ROBO2: variants seen among roughly 807,000 people sequenced by gnomAD.
The protein encoded by ROBO2 is roundabout guidance receptor 2.
Under a neutral mutation model 160.8 loss-of-function variants are expected in ROBO2, and 53 were observed. The ratio of observed to expected loss-of-function variants is 0.33; its 90% confidence interval spans 0.26 to 0.41. ROBO2 has a LOEUF of 0.41. Ranked by LOEUF, ROBO2 falls within the 10% of genes least tolerant of loss-of-function variation. ROBO2 has a pLI of 1.00. For missense variants in ROBO2, 1,577 were observed against 1,722.4 expected (o/e 0.92, Z 1.49); for synonymous variants, 664 against 611.7 (o/e 1.09, Z -1.26).
At chr3:77,513,726 GA>G (rs1370262579) in intron 5 of ROBO2, among the ~76,000 whole-genome samples, 1 of 151,406 alleles carries the variant, frequency 6.6e-6, no homozygotes, top group Non-Finnish European at 1.5e-5. Flanking sequence ...TCTTCCTTGA[GA>G]AAAAAACCCT....
intron 2 of ROBO2, among the ~76,000 whole-genome samples, chr3:77,270,104 A>G (rs2059393854): frequency 6.6e-6 from 1 of 152,200 alleles, no homozygotes. Flanking sequence ...CCAGTTCTTC[A>G]GTTAGTTAAT....
At chr3:77,361,589 C>G (rs2069997619) in intron 2 of ROBO2, among the ~76,000 whole-genome samples, 1 of 152,066 alleles carries the variant, frequency 6.6e-6, no homozygotes, top group South Asian at 2.1e-4. Flanking sequence ...GTGAGGGTCT[C>G]TCCTTCAAAG....
At chr3:76,645,653 A>G (rs2090928206) in intron 2 of ROBO2, among the ~76,000 whole-genome samples, 1 of 152,178 alleles carries the variant, frequency 6.6e-6, no homozygotes. Context: ...GACTTCATGG[A>G]AGAAGTAGTT....
chr3:76,917,016 G>T (rs1485591548), intron 2 of ROBO2, among the ~76,000 whole-genome samples: 2 of 152,172 alleles, frequency 1.3e-5, no homozygotes, highest in Non-Finnish European at 2.9e-5. Flanking sequence ...AAAGCAGACA[G>T]ATATAGCTTA....
intron 2 of ROBO2, among the ~76,000 whole-genome samples, chr3:77,018,840 G>A (rs561476417): frequency 2.6e-5 from 4 of 152,282 alleles, no homozygotes; most frequent in East Asian, 1.9e-4. Context: ...CAGAATGGTG[G>A]TTGACAGAGG....
chr3:77,431,386 C>T (rs1218386839), intron 2 of ROBO2, among the ~76,000 whole-genome samples: 1 of 152,124 alleles, frequency 6.6e-6, no homozygotes, highest in African/African-American at 2.4e-5. Context: ...TATGAAGAAG[C>T]AAATACTAAT....
At chr3:76,318,128 T>C (rs2072198052) in intron 2 of ROBO2, among the ~76,000 whole-genome samples, 1 of 152,118 alleles carries the variant, frequency 6.6e-6, no homozygotes, top group African/African-American at 2.4e-5. Flanking sequence ...GGGAAAAAAT[T>C]GGAAAGAGTT....
At chr3:77,332,786 G>T (rs1371234478) in intron 2 of ROBO2, among the ~76,000 whole-genome samples, 1 of 152,104 alleles carries the variant, frequency 6.6e-6, no homozygotes, top group Non-Finnish European at 1.5e-5. Context: ...TAGCTCTAAT[G>T]TATAACACAA....
intron 2 of ROBO2, among the ~76,000 whole-genome samples, chr3:76,819,151 T>A (rs2065916656): frequency 6.6e-6 from 1 of 151,988 alleles, no homozygotes; most frequent in African/African-American, 2.4e-5. Context: ...GATAAACAAG[T>A]GAGAATGAAT....
intron 2 of ROBO2, among the ~76,000 whole-genome samples, chr3:76,751,403 C>T (rs940520625): frequency 6.6e-6 from 1 of 152,094 alleles, no homozygotes; most frequent in South Asian, 2.1e-4. Flanking sequence ...GCAAGGATTT[C>T]ATGTCTAAAA....
intron 23 of ROBO2, among the ~76,000 whole-genome samples, chr3:77,627,856 T>C (rs1447932562): frequency 2.0e-5 from 3 of 152,182 alleles, no homozygotes. Flanking sequence ...AGGGTCATCT[T>C]ATAAAGCACA....
intron 1 of ROBO2, among the ~76,000 whole-genome samples, chr3:75,932,966 A>G (rs1348167016): frequency 6.6e-6 from 1 of 152,222 alleles, no homozygotes; most frequent in Non-Finnish European, 1.5e-5. Context: ...TATATACATT[A>G]CAATATTAAT....
intron 2 of ROBO2, among the ~76,000 whole-genome samples, chr3:77,313,878 C>T (rs1467482007): frequency 1.3e-5 from 2 of 152,184 alleles, no homozygotes; most frequent in Non-Finnish European, 2.9e-5. Context: ...GCCACCGCCC[C>T]TGGCCAGGAT....
At chr3:76,187,218 A>C (rs1701808318) in intron 2 of ROBO2, among the ~76,000 whole-genome samples, 1 of 152,078 alleles carries the variant, frequency 6.6e-6, no homozygotes, top group Non-Finnish European at 1.5e-5. Flanking sequence ...TATTTCACAT[A>C]TAGTTCTGAC....
chr3:76,214,566 T>A (rs1703371462), intron 2 of ROBO2, among the ~76,000 whole-genome samples: 1 of 152,156 alleles, frequency 6.6e-6, no homozygotes, highest in Non-Finnish European at 1.5e-5. Context: ...CACTCATTGC[T>A]AGCACAGCAG....
At chr3:77,273,363 C>T (rs1453408628) in intron 2 of ROBO2, among the ~76,000 whole-genome samples, 1 of 152,074 alleles carries the variant, frequency 6.6e-6, no homozygotes, top group Non-Finnish European at 1.5e-5. Flanking sequence ...CTTTGAATGG[C>T]GTTGTCAGAC....
chr3:75,968,278 A>G, intron 2 of ROBO2, among the ~76,000 whole-genome samples: 1 of 151,468 alleles, frequency 6.6e-6, no homozygotes, highest in Non-Finnish European at 1.5e-5. Context: ...TGGCGAGTCT[A>G]CATTTATCAT....
intron 2 of ROBO2, among the ~76,000 whole-genome samples, chr3:75,967,420 A>G (rs998426919): frequency 2.0e-5 from 3 of 151,574 alleles, no homozygotes; most frequent in African/African-American, 7.3e-5. Context: ...GAGACAACTG[A>G]CTCAACTTTT....
At chr3:76,162,771 T>C (rs2072689931) in intron 2 of ROBO2, among the ~76,000 whole-genome samples, 1 of 152,146 alleles carries the variant, frequency 6.6e-6, no homozygotes, top group Non-Finnish European at 1.5e-5. Context: ...AATTGGGACA[T>C]GTGTATACTT....
Sources: gnomAD v4.1 joint callset for allele counts (sites outside exome capture counted in the v4.1 genomes callset) on GRCh38, gnomAD v4.1.1 for gene constraint, MANE v1.5 for transcripts, NCBI Gene and HGNC (gene_info 2026-07-23, HGNC 2026-07-21) for gene names.